PELP1: variants seen among roughly 807,000 people sequenced by gnomAD.
PELP1 encodes proline, glutamate and leucine rich protein 1, also known as proline-, glutamic acid- and leucine-rich protein 1.
In PELP1, 32 loss-of-function variants were observed where a neutral mutation model predicts 95.5. The observed-to-expected ratio is 0.34, with a 90% CI of 0.25 to 0.45. The LOEUF (loss-of-function observed/expected upper bound fraction) is 0.45, where lower values mean the gene tolerates loss of function less well. PELP1 is among the 20% of genes least tolerant of loss of function. PELP1 has a pLI of 1.00. For synonymous variants in PELP1, 668 were observed against 600.1 expected (o/e 1.11, Z -1.65); for missense variants, 1,358 against 1,444.8 (o/e 0.94, Z 0.97).
chr17:4,675,798 A>G lies in PELP1; in HGVS notation c.1067T>C (p.Ile356Thr). 5 of 1,568,376 alleles carry G rather than the reference A, an allele frequency of 3.2e-6. No homozygotes were observed. The highest frequency in any genetic ancestry group is 1.2e-5 in the South Asian group (1 of 85,266). ...CRTLSVSSKNISLHGDGPLRL... is the reference protein window; with the variant it reads ...CRTLSVSSKNTSLHGDGPLRL... ...GAAGAGATGACAAATCCCACTTACA[A>G]TATTCTTGCTACTGACGCTGAGGGT... The change falls in exon 9 of 17, where the codon ATT (isoleucine) becomes ACT (threonine). Residue 356 changes from isoleucine to threonine, a missense_variant and splice_region_variant. Around this residue, in one of 7 missense-constraint regions of PELP1, gnomAD observed 538 missense variants for 628.1 expected, o/e 0.86. Coordinates refer to ENST00000572293, the MANE Select transcript of PELP1 (RefSeq NM_014389.3). The surrounding 1 kb of genome is among the most constrained non-coding windows in gnomAD (Gnocchi z 4.3).
Position 4,671,338 on chromosome 17 carries a change from A to C in PELP1, c.*101T>G, listed in dbSNP as rs1912189948. 5 of 721,058 alleles carry C rather than the reference A, an allele frequency of 6.9e-6. No individual in the cohort carries two copies. The highest frequency in any genetic ancestry group is 7.6e-6 in the Non-Finnish European group (3 of 394,746). The allele number at this position is 721,058 out of a possible 1,614,324, so 44.7% of individuals were successfully genotyped here. ...CCCTGAAAAGCCCAGCAGACACTTG[A>C]GCTTCTGGCTGGGGACCCAGGTGTG... On this transcript the variant is annotated 3_prime_UTR_variant, in exon 17 of 17. Transcript: ENST00000572293.
chr17:4,701,464 A>G (rs913407811), intron 1 of PELP1, among the ~76,000 whole-genome samples: 4 of 152,330 alleles, frequency 2.6e-5, no homozygotes, highest in Middle Eastern at 3.4e-3. Context: ...AGCTCACTCC[A>G]GCTACTGTGT....
In PELP1 at chr17:4,671,779, T is replaced by G; in HGVS notation, c.3212A>C (p.Asp1071Ala). ...TGGGGGCTGCACCTTGTCACTCCCA[T>G]CCTCAGTCTCCTCTTCCAACAGGGT... ...PPTLLEEETE[D>A]GSDKVQPPPE... Residue 1071 changes from aspartate to alanine, a missense_variant, in exon 16 of 17, where the codon GAT becomes GCT. This residue lies in a region of PELP1 where 283 missense variants were observed against 284.1 expected (regional missense o/e 1.00). Coordinates refer to ENST00000572293, the MANE Select transcript of PELP1 (RefSeq NM_014389.3). 1 of 1,517,106 alleles carries G rather than the reference T, an allele frequency of 6.6e-7. No individual in the cohort carries two copies. The highest frequency in any genetic ancestry group is 8.8e-7 in the Non-Finnish European group (1 of 1,136,844). 94.0% of individuals were successfully genotyped at this position (1,517,106 alleles called of 1,614,324 possible).
At chr17:4,695,667 TAAAAAAAAAA>T (rs71147081) in intron 1 of PELP1, among the ~76,000 whole-genome samples, 4 of 62,560 alleles carry the variant, frequency 6.4e-5, no homozygotes, top group African/African-American at 1.6e-4. Context: ...CCCTCTCTCT[TAAAAAAAAAA>T]AAAAAAAAAA....
chr17:4,674,650 C>T lies in PELP1; in HGVS notation c.1442G>A (p.Ser481Asn). ...DALKLRSPRG[S>N]PDGSLQTGKP... ...CCCAGTCTGCAAACTCCCATCAGGG[C>T]TCCCCCGCGGGCTACGCAGCTGGAG... Residue 481 changes from serine to asparagine, a missense_variant, in exon 13 of 17, where the codon AGC becomes AAC. Transcript: ENST00000572293. 1 of 1,600,680 alleles carries T rather than the reference C, an allele frequency of 6.2e-7. No individual in the cohort carries two copies. The highest frequency in any genetic ancestry group is 1.1e-5 in the South Asian group (1 of 89,540).
In PELP1 at chr17:4,672,380, G is replaced by C. The variant is rs766608010; in HGVS notation, c.2611C>G (p.Pro871Ala). 1 of 1,554,838 alleles carries C rather than the reference G, an allele frequency of 6.4e-7. No individual in the cohort carries two copies. Among genetic ancestry groups the C allele is most frequent in the African/African-American group, 1.4e-5 (1 of 73,466 alleles). The change falls in exon 16 of 17, where the codon CCC becomes GCC. Residue 871 changes from proline (P) to alanine (A), a missense_variant. Physicochemically the swap from Pro to Ala is conservative, Grantham distance 27 (BLOSUM62 -1). Around this residue, in one of 7 missense-constraint regions of PELP1, gnomAD observed 340 missense variants for 322.9 expected, o/e 1.05. Transcript: ENST00000572293. The part of the protein sequence containing the change: ...VPEGTPGGGG[P>A]PALEEDLTVI... ...GTCAAATCCTCTTCCAGGGCTGGGG[G>C]TCCTCCCCCACCAGGAGTCCCTTCA...
Position 4,673,905 on chromosome 17 carries a change from G to C in PELP1, c.1583-231C>G. On this transcript the variant is annotated intron_variant, in intron 13 of 16. Coordinates refer to ENST00000572293, the MANE Select transcript of PELP1 (RefSeq NM_014389.3). This position sits in a 1 kb window ranked among gnomAD's most constrained non-coding sequence, Gnocchi z 5.7. ...AAAAAATTATAAATTTTATAATTTTGCATTTATATATTTGGGAACAATCGG... is the reference window on the plus strand; with the variant it reads ...AAAAAATTATAAATTTTATAATTTTCCATTTATATATTTGGGAACAATCGG... 1.9e-6 allele frequency: 1 copy of C among 537,346 alleles called. No individual in the cohort carries two copies. 33.3% of individuals were successfully genotyped at this position (537,346 alleles called of 1,614,324 possible).
chr17:4,672,309 T>C lies in PELP1; in HGVS notation c.2682A>G (p.Glu894=), dbSNP rs771721198. Residue 894 remains glutamate, a synonymous_variant, in exon 16 of 17, where the codon GAA becomes GAG. Transcript: ENST00000572293. ...CTTCCTCTTCTTCTTCTTCCTCTTC[T>C]TCCTCTTCCTCCTCCTCTTCATCAC... ...NSSDEEEEEE[E]EEEEEEEEEE... The C allele has an allele frequency of 5.2e-6, 8 of 1,551,608 alleles. No individual in the cohort carries two copies. Among genetic ancestry groups the C allele is most frequent in the Non-Finnish European group, 6.1e-6 (7 of 1,146,550 alleles).
rs748502510 is a variant in PELP1, at chr17:4,671,758, G to A, written c.3233C>T (p.Pro1078Leu). The A allele has an allele frequency of 1.1e-5, 17 of 1,524,692 alleles. No individual in the cohort carries two copies. The South Asian group carries it at 2.0e-4, about 18-fold the overall frequency. 94.4% of individuals were successfully genotyped at this position (1,524,692 alleles called of 1,614,324 possible). The change falls in exon 16 of 17, where the codon CCC becomes CTC. Residue 1078 changes from proline (P) to leucine (L), a missense_variant. Physicochemically the swap from Pro to Leu is moderately conservative, Grantham distance 98 (BLOSUM62 -3). Transcript: ENST00000572293. Reference protein sequence around the residue: ...ETEDGSDKVQPPPETPAEEEM... With the variant: ...ETEDGSDKVQLPPETPAEEEM... ...TTCTTCTGCAGGTGTCTCTGGTGGG[G>A]GCTGCACCTTGTCACTCCCATCCTC... is the stretch of plus-strand genomic sequence containing the variant.
chr17:4,692,892 C>T (rs1913164481), intron 1 of PELP1, among the ~76,000 whole-genome samples: 2 of 152,060 alleles, frequency 1.3e-5, no homozygotes, highest in Admixed American at 1.3e-4. Context: ...CGCCTGTCAT[C>T]CCAGCTACTC....
Position 4,672,389 on chromosome 17 carries a change from C to G in PELP1, c.2602G>C (p.Gly868Arg), listed in dbSNP as rs752124193. 12 of 1,556,228 alleles carry G rather than the reference C, an allele frequency of 7.7e-6. No homozygotes were observed. The highest frequency in any genetic ancestry group is 5.4e-5 in the African/African-American group (4 of 73,526). The change falls in exon 16 of 17, where the codon GGG becomes CGG. Residue 868 changes from glycine (G) to arginine (R), a missense_variant. Around this residue, in one of 7 missense-constraint regions of PELP1, gnomAD observed 340 missense variants for 322.9 expected, o/e 1.05. Coordinates refer to ENST00000572293, the MANE Select transcript of PELP1 (RefSeq NM_014389.3). ...PQLVPEGTPG[G>R]GGPPALEEDL... is the part of the protein sequence containing the mutation. ...TCTTCCAGGGCTGGGGGTCCTCCCC[C>G]ACCAGGAGTCCCTTCAGGGACCAAC... is the stretch of plus-strand genomic sequence containing the variant.
intron 3 of PELP1, among the ~76,000 whole-genome samples, chr17:4,688,321 TGA>T (rs1912977151): frequency 6.7e-6 from 1 of 149,844 alleles, no homozygotes; most frequent in East Asian, 2.0e-4. Context: ...GGCAACAGAA[TGA>T]GAGACTCCAT....
In PELP1 at chr17:4,674,956, G is replaced by A. The variant is rs995598268; in HGVS notation, c.1275C>T (p.Ser425=). The A allele has an allele frequency of 1.9e-6, 3 of 1,609,660 alleles. No homozygotes were observed. Among genetic ancestry groups the A allele is most frequent in the Non-Finnish European group, 8.5e-7 (1 of 1,176,646 alleles). The change falls in exon 12 of 17, where the codon AGC becomes AGT. Residue 425 remains serine (S), a splice_region_variant and synonymous_variant. Coordinates refer to ENST00000572293, the MANE Select transcript of PELP1 (RefSeq NM_014389.3). The part of the protein sequence containing the change: ...SLSPGQERPY[S]TVRTKVYAIL... The stretch of plus-strand genomic sequence containing the variant: ...TCGCATACACCTTGGTCCGAACCGT[G>A]CTGTGTCATGAGCAAAGATGGCAGT...
At chr17:4,697,500 C>T (rs1315934807) in intron 1 of PELP1, among the ~76,000 whole-genome samples, 3 of 152,040 alleles carry the variant, frequency 2.0e-5, no homozygotes, top group Admixed American at 6.6e-5. Context: ...GGCAACACAG[C>T]GAGACCCTGT....
In PELP1 at chr17:4,673,046, C is replaced by A; in HGVS notation, c.1945G>T (p.Ala649Ser). 6.5e-7 allele frequency: 1 copy of A among 1,528,540 alleles called. No homozygotes were observed. The allele number at this position is 1,528,540 out of a possible 1,614,324, so 94.7% of individuals were successfully genotyped here. Residue 649 changes from alanine (A) to serine (S), a missense_variant, in exon 16 of 17, where the codon GCT becomes TCT. This residue lies in a region of PELP1 where 340 missense variants were observed against 322.9 expected (regional missense o/e 1.05). Coordinates refer to ENST00000572293, the MANE Select transcript of PELP1 (RefSeq NM_014389.3). The surrounding 1 kb of genome is among the most constrained non-coding windows in gnomAD (Gnocchi z 5.7). ...GGGGCCTCAGGAGGGGGAACTGGAG[C>A]AGGTGTGGGGCAGGTGGGGCCCATG... ...QPMGPTCPTP[A>S]PVPPPEAPSP...
intron 1 of PELP1, among the ~76,000 whole-genome samples, chr17:4,703,217 C>T (rs2150569188): frequency 6.6e-6 from 1 of 152,260 alleles, no homozygotes; most frequent in East Asian, 1.9e-4. Flanking sequence ...AGGAACGATG[C>T]CCTTCTTTCC....
chr17:4,704,133 G>A lies in PELP1; in HGVS notation c.-22C>T. The A allele has an allele frequency of 1.3e-6, 2 of 1,597,164 alleles. No homozygotes were observed. The highest frequency in any genetic ancestry group is 1.7e-4 in the Middle Eastern group (1 of 6,028). On this transcript the variant is annotated 5_prime_UTR_variant, in exon 1 of 17. Transcript: ENST00000572293. ...CCATCTTCCCCCGGGTTCCAGTGGT[G>A]GCGTGGCGCGATGACGCAAACACAC...
In PELP1 at chr17:4,673,842, T is replaced by C. The variant is rs915084640; in HGVS notation, c.1583-168A>G. The C allele has an allele frequency of 3.5e-5, 22 of 629,932 alleles. No homozygotes were observed. Among genetic ancestry groups the C allele is most frequent in the Non-Finnish European group, 6.3e-5 (22 of 346,690 alleles). The allele number at this position is 629,932 out of a possible 1,614,324, so 39.0% of individuals were successfully genotyped here. ...GGATCATAAAAGTACCTCTACTGTA[T>C]AGGGCCACTGACGGTATTTAATTGA... On this transcript the variant is annotated intron_variant, in intron 13 of 16. Transcript: ENST00000572293. The surrounding 1 kb of genome is among the most constrained non-coding windows in gnomAD (Gnocchi z 5.7).
rs184320992 is a variant in PELP1 at position 4,670,068 on chromosome 17, T to A, written c.*1371A>T. On this transcript the variant is annotated 3_prime_UTR_variant, in exon 17 of 17. Coordinates refer to ENST00000572293, the MANE Select transcript of PELP1 (RefSeq NM_014389.3). ...CAGTTTATAGGGATAAGAGTTAACA[T>A]GACTAAATGTTAATTGGCAAATCTA... 43 of 152,354 alleles carry A rather than the reference T, an allele frequency of 2.8e-4. No homozygotes were observed. The highest frequency in any genetic ancestry group is 9.9e-4 in the African/African-American group (41 of 41,578). The allele number at this position is 152,354 out of a possible 1,614,324, so 9.4% of individuals were successfully genotyped here.
Sources: gnomAD v4.1 joint callset for allele counts (sites outside exome capture counted in the v4.1 genomes callset) on GRCh38, gnomAD v4.1.1 for gene constraint, gnomAD v4.1.1 regional missense constraint, Gnocchi (gnomAD v3.1) non-coding constraint, MANE v1.5 for transcripts, NCBI Gene and HGNC (gene_info 2026-07-23, HGNC 2026-07-21) for gene names.